Variants in GPN2 observed in about 807,000 individuals in gnomAD.
GPN2 encodes GPN-loop GTPase 2, also known as ATP-binding domain 1 family member B.
GPN2 carries 27 observed loss-of-function variants against 30.1 expected under a neutral mutation model. That is an observed-to-expected ratio of 0.90 (90% CI 0.66 to 1.24). The LOEUF is 1.24. Among genes scored for constraint, GPN2 ranks in the 50% most tolerant of loss-of-function variants. The pLI is 0.00. For synonymous variants in GPN2, 212 were observed against 174.4 expected (o/e 1.22, Z -1.70); for missense variants, 406 against 405.4 (o/e 1.00, Z -0.01).
intron 4 of GPN2, among the ~76,000 whole-genome samples, chr1:26,881,774 C>T (rs1036536182): frequency 2.6e-5 from 4 of 152,062 alleles, no homozygotes; most frequent in Non-Finnish European, 5.9e-5. Context: ...CAGCTGGGGA[C>T]GATGGCTCAT....
Position 26,889,009 on chromosome 1 carries a change from G to C in GPN2, c.528C>G (p.Leu176=), listed in dbSNP as rs2081905736. The C allele has an allele frequency of 1.2e-6, 2 of 1,614,256 alleles. No individual in the cohort carries two copies. Among genetic ancestry groups the C allele is most frequent in the Non-Finnish European group, 1.7e-6 (2 of 1,180,034 alleles). ...MLHVELPHIN[L]LSKMDLIEHY... ...GCTCAATGAGGTCCATCTTGGAAAG[G>C]AGGTTGATGTGGGGCAGTTCCACGT... Residue 176 remains leucine, a synonymous_variant, in exon 2 of 5, where the codon CTC becomes CTG. Transcript: ENST00000374135.
chr1:26,879,860 T>G lies in GPN2; in HGVS notation c.861-111A>C, dbSNP rs1483448905. The G allele has an allele frequency of 4.1e-6, 3 of 731,388 alleles. No individual in the cohort carries two copies. In the East Asian group the frequency reaches 8.1e-5, roughly 20 times the overall value. The allele number at this position is 731,388 out of a possible 1,614,324, so 45.3% of individuals were successfully genotyped here. A position where few individuals can be genotyped will look rare whatever the true frequency, so the allele number is the denominator to read the frequency against. ...ACTCCAACCATGTCCATCCCTCTCT[T>G]CCTCATAATTATAGGGACCAATCAG... On this transcript the variant is annotated intron_variant, in intron 4 of 4. Coordinates refer to ENST00000374135, the MANE Select transcript of GPN2 (RefSeq NM_018066.4).
At chr1:26,880,599 C>CTG (rs2081859488) in intron 4 of GPN2, among the ~76,000 whole-genome samples, 2 of 152,010 alleles carry the variant, frequency 1.3e-5, no homozygotes, top group South Asian at 4.1e-4. Flanking sequence ...GCGTAAGCCA[C>CTG]CACGCCTGGC....
intron 4 of GPN2, among the ~76,000 whole-genome samples, chr1:26,882,988 A>G (rs933685412): frequency 1.3e-5 from 2 of 152,266 alleles, no homozygotes; most frequent in Middle Eastern, 3.4e-3. Context: ...TGACTCTTAC[A>G]GTCTATCTCC....
intron 2 of GPN2, among the ~76,000 whole-genome samples, chr1:26,887,570 T>TA (rs1251861357): frequency 6.6e-6 from 1 of 151,956 alleles, no homozygotes; most frequent in African/African-American, 2.4e-5. Context: ...ACTAATTTTT[T>TA]TTTTTTTTTG....
At chr1:26,885,253 C>A (rs1365080873) in intron 3 of GPN2, among the ~76,000 whole-genome samples, 1 of 152,176 alleles carries the variant, frequency 6.6e-6, no homozygotes, top group Non-Finnish European at 1.5e-5. Flanking sequence ...ATCTAACATG[C>A]ACCTGCGTCT....
At chr1:26,888,702 T>C (rs960852936) in intron 2 of GPN2, among the ~76,000 whole-genome samples, 1 of 152,202 alleles carries the variant, frequency 6.6e-6, no homozygotes, top group African/African-American at 2.4e-5. Flanking sequence ...ACTCCAAAGC[T>C]CACTCACTTC....
At chr1:26,881,309 G>T (rs1049811395) in intron 4 of GPN2, among the ~76,000 whole-genome samples, 9 of 152,154 alleles carry the variant, frequency 5.9e-5, no homozygotes, top group Middle Eastern at 3.4e-3. Flanking sequence ...GAACACTTAC[G>T]TTAGCTGCAT....
intron 3 of GPN2, 62 bp from the exon 4 acceptor site, chr1:26,884,352 ATC>A: frequency 6.5e-7 from 1 of 1,532,310 alleles, no homozygotes; most frequent in Non-Finnish European, 8.8e-7. Context: ...ACTGCTTGCA[ATC>A]TCTAAATACA....
Position 26,889,947 on chromosome 1 carries a change from C to T in GPN2, c.150G>A (p.Glu50=), listed in dbSNP as rs1426899547. Residue 50 remains glutamate, a synonymous_variant, in exon 1 of 5, where the codon GAG becomes GAA. Transcript: ENST00000374135. ...CCACGGCACACTCGTACGGCAGCCC[C>T]TCGTTGGCCGGGTCCAGGTTCACCA... The part of the protein sequence containing the change: ...VAVVNLDPAN[E]GLPYECAVDV... 6.2e-7 allele frequency: 1 copy of T among 1,607,992 alleles called. No individual in the cohort carries two copies. Among genetic ancestry groups the T allele is most frequent in the Non-Finnish European group, 8.5e-7 (1 of 1,179,336 alleles).
At chr1:26,879,872 T>C in intron 4 of GPN2, 123 bp from the exon 5 acceptor site, 1 of 698,096 alleles carries the variant, frequency 1.4e-6, no homozygotes, top group Non-Finnish European at 2.6e-6. Context: ...CTCATAATTA[T>C]AGGGACCAAT....
At position 26,889,095 on chromosome 1, in the gene GPN2, A is replaced by C; in HGVS notation, c.442T>G (p.Tyr148Asp). The change falls in exon 2 of 5, where the codon TAC becomes GAC. Residue 148 changes from tyrosine to aspartate, a missense_variant. Transcript: ENST00000374135. The stretch of plus-strand genomic sequence containing the variant: ...ATGAACTTGGCAGGGTCTGTGCAGT[A>C]GTGAGAATCCACGAGGTGGACGGCA... ...LTAVHLVDSH[Y>D]CTDPAKFISV... 1.9e-6 allele frequency: 3 copies of C among 1,614,014 alleles called. No individual in the cohort carries two copies. The highest frequency in any genetic ancestry group is 2.5e-6 in the Non-Finnish European group (3 of 1,179,858).
At position 26,879,136 on chromosome 1, in the gene GPN2, A is replaced by C. The variant is rs2081852391; in HGVS notation, c.*541T>G. 1 of 153,518 alleles carries C rather than the reference A, an allele frequency of 6.5e-6. No individual in the cohort carries two copies. Among genetic ancestry groups the C allele is most frequent in the African/African-American group, 2.4e-5 (1 of 41,450 alleles). 9.5% of individuals were successfully genotyped at this position (153,518 alleles called of 1,614,324 possible). On this transcript the variant is annotated 3_prime_UTR_variant, in exon 5 of 5. Transcript: ENST00000374135. ...TGAGGCGGGAAGATCACATGAGCCC[A>C]GGAGTTTGAGTCCAGCCTGGGCCAT...
chr1:26,883,330 T>G (rs1336302397), intron 4 of GPN2, among the ~76,000 whole-genome samples: 1 of 152,222 alleles, frequency 6.6e-6, no homozygotes, highest in East Asian at 1.9e-4. Context: ...GACTCCTGCA[T>G]CTCTCCCGAA....
intron 4 of GPN2, among the ~76,000 whole-genome samples, chr1:26,880,542 A>G (rs1570690250): frequency 6.6e-6 from 1 of 152,084 alleles, no homozygotes; most frequent in East Asian, 1.9e-4. Flanking sequence ...CGATCTCCTG[A>G]CCTCGTGATC....
chr1:26,886,165 C>G (rs1381021496), intron 2 of GPN2, 32 bp from the exon 3 acceptor site: 4 of 1,563,896 alleles, frequency 2.6e-6, no homozygotes, highest in Non-Finnish European at 3.5e-6. Context: ...CAGGAGCAAC[C>G]AGTATCAGGC....
rs755540532 is a variant in GPN2, at chr1:26,889,874, G to A, written c.223C>T (p.Leu75=). 2.5e-5 allele frequency: 40 copies of A among 1,611,850 alleles called. No homozygotes were observed. The highest frequency in any genetic ancestry group is 3.2e-5 in the Non-Finnish European group (38 of 1,178,940). Residue 75 remains leucine, a synonymous_variant, in exon 1 of 5, where the codon CTG becomes TTG. Transcript: ENST00000374135. ...TAGAGCAGGCCGCCGTTGGGCCCCAGGCGCAGCGCGTCCATCACGTCGCCC... is the reference window on the plus strand; with the variant it reads ...TAGAGCAGGCCGCCGTTGGGCCCCAAGCGCAGCGCGTCCATCACGTCGCCC... ...GLGDVMDALR[L]GPNGGLLYCM...
In GPN2 at chr1:26,884,237, G is replaced by A; in HGVS notation, c.783C>T (p.Tyr261=). ...TTCGCTGCTCTTGGGCTCTGAAACA[G>A]TATCCATTGGCTTTATCCACAGCCT... The part of the protein sequence containing the change: ...VLQAVDKANG[Y]CFRAQEQRSL... The change falls in exon 4 of 5, where the codon TAC becomes TAT. Residue 261 remains tyrosine (Y), a synonymous_variant. Coordinates refer to ENST00000374135, the MANE Select transcript of GPN2 (RefSeq NM_018066.4). 6.2e-7 allele frequency: 1 copy of A among 1,613,826 alleles called. No homozygotes were observed. The highest frequency in any genetic ancestry group is 1.3e-5 in the African/African-American group (1 of 75,040).
chr1:26,889,286 G>C (rs2081907541), intron 1 of GPN2, among the ~76,000 whole-genome samples, 161 bp from the exon 2 acceptor site: 1 of 152,104 alleles, frequency 6.6e-6, no homozygotes, highest in East Asian at 1.9e-4. Flanking sequence ...CAGGAAATAG[G>C]AGTCATTTTT....
Sources: gnomAD v4.1 joint callset for allele counts (sites outside exome capture counted in the v4.1 genomes callset) on GRCh38, gnomAD v4.1.1 for gene constraint, MANE v1.5 for transcripts, NCBI Gene and HGNC (gene_info 2026-07-23, HGNC 2026-07-21) for gene names.